Variants in ABCA5 observed in about 807,000 individuals in gnomAD.
The protein encoded by ABCA5 is ATP binding cassette subfamily A member 5, also known as cholesterol transporter ABCA5.
In ABCA5, 163 loss-of-function variants were observed where a neutral mutation model predicts 206.0. The observed-to-expected ratio is 0.79, with a 90% CI of 0.70 to 0.90. The LOEUF (loss-of-function observed/expected upper bound fraction) is 0.90, where lower values mean the gene tolerates loss of function less well. ABCA5 is among the 40% of genes least tolerant of loss of function. The pLI, the probability that ABCA5 is intolerant of heterozygous loss-of-function variation, is 0.00. For synonymous variants in ABCA5, 609 were observed against 613.8 expected (o/e 0.99, Z 0.11); for missense variants, 1,859 against 1,912.9 (o/e 0.97, Z 0.53).
rs368458508 is a variant in ABCA5, at chr17:69,267,993, C to T, written c.3094G>A (p.Val1032Ile). 1 of 1,612,070 alleles carries T rather than the reference C, an allele frequency of 6.2e-7. No individual in the cohort carries two copies. The highest frequency in any genetic ancestry group is 1.3e-5 in the African/African-American group (1 of 74,818). ...GCAAAGTAAGGTGGCATTGCAGTAACAATGATTCCAAGCAAAGCTGCTTGA... is the reference window on the plus strand; with the variant it reads ...GCAAAGTAAGGTGGCATTGCAGTAATAATGATTCCAAGCAAAGCTGCTTGA... The part of the protein sequence containing the change: ...YFQAALLGII[V>I]TAMPPYFAME... The change falls in exon 23 of 39, where the codon GTT (valine) becomes ATT (isoleucine). Residue 1032 changes from valine (V) to isoleucine (I), a missense_variant. Val to Ile is a conservative substitution (Grantham distance 29, BLOSUM62 3). Transcript: ENST00000392676.
intron 19 of ABCA5, among the ~76,000 whole-genome samples, chr17:69,275,861 G>A (rs2075326149): frequency 6.6e-6 from 1 of 152,108 alleles, no homozygotes; most frequent in Non-Finnish European, 1.5e-5. Flanking sequence ...CATTTATAAA[G>A]AGACACCAGA....
At chr17:69,256,530 A>T (rs1463213368) in intron 28 of ABCA5, among the ~76,000 whole-genome samples, 1 of 148,472 alleles carries the variant, frequency 6.7e-6, no homozygotes, top group African/African-American at 2.5e-5. Context: ...ATCTCAGGTC[A>T]CTATAACCTC....
At chr17:69,248,228 TA>T in intron 38 of ABCA5, 33 bp downstream of exon 38, 1 of 1,272,342 alleles carries the variant, frequency 7.9e-7, no homozygotes. Flanking sequence ...CTTTCTTCTA[TA>T]AAATAATTTT....
At chr17:69,270,467 TA>T in intron 22 of ABCA5, 145 bp downstream of exon 22, 1 of 687,756 alleles carries the variant, frequency 1.5e-6, no homozygotes, top group Non-Finnish European at 2.3e-6. Flanking sequence ...AACCTTAATG[TA>T]AACCGTTTCT....
chr17:69,286,997 G>C (rs180967285), intron 15 of ABCA5, among the ~76,000 whole-genome samples: 5 of 152,312 alleles, frequency 3.3e-5, no homozygotes, highest in Admixed American at 2.0e-4. Context: ...TGAGAACTTG[G>C]ATTTGGGAGG....
At chr17:69,296,834 G>A (rs481876) in intron 10 of ABCA5, among the ~76,000 whole-genome samples, 47,029 of 151,936 alleles carry the variant, frequency 0.31, 7,827 homozygotes, top group East Asian at 0.56. Flanking sequence ...GCATGGTGGC[G>A]CATGCCTGTA....
rs116375056 is a variant in ABCA5 at position 69,260,441 on chromosome 17, C to T, written c.3565-29G>A. ...AGACAAAAAGATTTGAAAATATATA[C>T]GCTGCAATATGTAGAAATATTTGGA... is the stretch of plus-strand genomic sequence containing the variant. On this transcript the variant is annotated intron_variant, in intron 26 of 38. Transcript: ENST00000392676. 1,129 of 1,352,064 alleles carry T rather than the reference C, an allele frequency of 8.4e-4. 12 individuals carry two copies. In the African/African-American group the frequency reaches 0.014, roughly 17 times the overall value. 83.8% of individuals were successfully genotyped at this position (1,352,064 alleles called of 1,614,324 possible).
chr17:69,282,542 G>A (rs995798231), intron 18 of ABCA5, among the ~76,000 whole-genome samples: 18 of 152,084 alleles, frequency 1.2e-4, no homozygotes, highest in Admixed American at 5.9e-4. Context: ...AGGCCAAGGC[G>A]GGCGGATCAC....
chr17:69,301,662 G>C (rs1254555382), intron 8 of ABCA5, among the ~76,000 whole-genome samples: 1 of 152,102 alleles, frequency 6.6e-6, no homozygotes, highest in Non-Finnish European at 1.5e-5. Context: ...AACAAATTAA[G>C]TATTAGGGAA....
intron 9 of ABCA5, among the ~76,000 whole-genome samples, chr17:69,299,455 TACACACACACACACATACACAC>T (rs2075626741): frequency 1.6e-5 from 1 of 62,554 alleles, no homozygotes; most frequent in Non-Finnish European, 4.0e-5. Flanking sequence ...GAAAATGTGA[TACACACACACACACATACACAC>T]ACACACACAC....
chr17:69,294,432 G>A lies in ABCA5; in HGVS notation c.1495+223C>T, dbSNP rs577508287. ...ACCTACTCAGGAGGCTAAGGCAGGC[G>A]AATCACTTGAACCCAGAAGGCGCAG... On this transcript the variant is annotated intron_variant, in intron 11 of 38. Coordinates refer to ENST00000392676, the MANE Select transcript of ABCA5 (RefSeq NM_172232.4). Among the ~76,000 whole-genome samples the A allele has an allele frequency of 1.1e-4, 17 of 152,206 alleles. No individual in the cohort carries two copies. The South Asian group carries it at 1.2e-3, about 11-fold the overall frequency.
At chr17:69,307,762 T>C (rs1003396903) in intron 5 of ABCA5, among the ~76,000 whole-genome samples, 1 of 152,282 alleles carries the variant, frequency 6.6e-6, no homozygotes, top group African/African-American at 2.4e-5. Flanking sequence ...CATAGCAGTG[T>C]AACAACAGAG....
intron 34 of ABCA5, among the ~76,000 whole-genome samples, chr17:69,253,221 G>A (rs553748033): frequency 6.6e-6 from 1 of 152,232 alleles, no homozygotes; most frequent in African/African-American, 2.4e-5. Flanking sequence ...GTCCTAGAAA[G>A]AGTCTCAACA....
intron 19 of ABCA5, among the ~76,000 whole-genome samples, chr17:69,275,224 A>G (rs2075318526): frequency 6.6e-6 from 1 of 152,194 alleles, no homozygotes; most frequent in East Asian, 1.9e-4. Context: ...TGAATGGCTG[A>G]TATCTTTGAA....
rs1257227720 is a variant in ABCA5 at position 69,244,820 on chromosome 17, T to C, written c.*2717A>G. 6.6e-6 allele frequency: 1 copy of C among 151,050 alleles called. No individual in the cohort carries two copies. Among genetic ancestry groups the C allele is most frequent in the East Asian group, 1.9e-4 (1 of 5,188 alleles). The allele number at this position is 151,050 out of a possible 1,614,324, so 9.4% of individuals were successfully genotyped here. A position where few individuals can be genotyped will look rare whatever the true frequency, so the allele number is the denominator to read the frequency against. Reference sequence around the variant, plus strand: ...TTATCCTAAGTAAAATTAATTGTGCTCCTATAAAACGTTGTTAGTACTACT... The same window carrying C: ...TTATCCTAAGTAAAATTAATTGTGCCCCTATAAAACGTTGTTAGTACTACT... On this transcript the variant is annotated 3_prime_UTR_variant, in exon 39 of 39. Transcript: ENST00000392676.
In ABCA5 at chr17:69,251,730, G is replaced by A. The variant is rs535723307; in HGVS notation, c.4535+17C>T. 8.1e-6 allele frequency: 13 copies of A among 1,602,992 alleles called. No homozygotes were observed. Among genetic ancestry groups the A allele is most frequent in the East Asian group, 4.5e-5 (2 of 44,504 alleles). ...CCCAACCTCTTCCCCTGAATGGCACGCTATTTAGACATCAACCTTAACTGC... is the reference window on the plus strand; with the variant it reads ...CCCAACCTCTTCCCCTGAATGGCACACTATTTAGACATCAACCTTAACTGC... On this transcript the variant is annotated intron_variant, in intron 35 of 38. Coordinates refer to ENST00000392676, the MANE Select transcript of ABCA5 (RefSeq NM_172232.4).
chr17:69,325,052 G>C (rs955628002), intron 1 of ABCA5, among the ~76,000 whole-genome samples: 5 of 151,456 alleles, frequency 3.3e-5, no homozygotes, highest in Non-Finnish European at 7.4e-5. Context: ...GTCAGGTGCA[G>C]TGGCTCACGT....
chr17:69,245,107 A>C lies in ABCA5; in HGVS notation c.*2430T>G, dbSNP rs1364551171. ...ATGATTAAAACCAAAATACTGACCTAAGATAATTTGTGCAAATTTAAAAGA... is the reference window on the plus strand; with the variant it reads ...ATGATTAAAACCAAAATACTGACCTCAGATAATTTGTGCAAATTTAAAAGA... On this transcript the variant is annotated 3_prime_UTR_variant, in exon 39 of 39. Coordinates refer to ENST00000392676, the MANE Select transcript of ABCA5 (RefSeq NM_172232.4). 4 of 151,616 alleles carry C rather than the reference A, an allele frequency of 2.6e-5. No individual in the cohort carries two copies. The highest frequency in any genetic ancestry group is 4.4e-5 in the Non-Finnish European group (3 of 67,766). 9.4% of individuals were successfully genotyped at this position (151,616 alleles called of 1,614,324 possible).
intron 35 of ABCA5, 24 bp downstream of exon 35, chr17:69,251,723 A>T: frequency 6.2e-7 from 1 of 1,601,244 alleles, no homozygotes; most frequent in Non-Finnish European, 8.5e-7. Flanking sequence ...CTTCCCCTGA[A>T]TGGCACGCTA....
Sources: gnomAD v4.1 joint callset for allele counts (sites outside exome capture counted in the v4.1 genomes callset) on GRCh38, gnomAD v4.1.1 for gene constraint, MANE v1.5 for transcripts, NCBI Gene and HGNC (gene_info 2026-07-23, HGNC 2026-07-21) for gene names.